Variants in MEGF9 observed in about 807,000 individuals in gnomAD.
The protein encoded by MEGF9 is multiple epidermal growth factor-like domains protein 9.
Under a neutral mutation model 46.8 loss-of-function variants are expected in MEGF9, and 6 were observed. The ratio of observed to expected loss-of-function variants is 0.13; its 90% confidence interval spans 0.07 to 0.25. MEGF9 has a LOEUF of 0.25. MEGF9 is among the 10% of genes least tolerant of loss of function. MEGF9 has a pLI of 1.00. For missense variants in MEGF9, 683 were observed against 792.4 expected, an observed-to-expected ratio of 0.86 and a Z score of 1.66; for synonymous variants, 302 against 330.7, an observed-to-expected ratio of 0.91 and a Z score of 0.94.
At chr9:120,672,909 G>A (rs865997338) in intron 1 of MEGF9, among the ~76,000 whole-genome samples, 8 of 152,128 alleles carry the variant, frequency 5.3e-5, no homozygotes, top group Non-Finnish European at 1.2e-4. Flanking sequence ...TGTAATCCCA[G>A]CTACTCGGGA....
chr9:120,669,289 C>T (rs1323379610), intron 1 of MEGF9, among the ~76,000 whole-genome samples: 1 of 152,130 alleles, frequency 6.6e-6, no homozygotes, highest in Non-Finnish European at 1.5e-5. Context: ...CTCATAGTGG[C>T]TTAGCACAGT....
intron 1 of MEGF9, 118 bp downstream of exon 1, chr9:120,713,640 G>A: frequency 8.2e-7 from 1 of 1,223,558 alleles, no homozygotes; most frequent in African/African-American, 1.6e-5. Flanking sequence ...CCCCTCGGGA[G>A]CCGGAACCTG....
At chr9:120,653,010 C>A (rs1050559291) in intron 2 of MEGF9, among the ~76,000 whole-genome samples, 9 of 152,210 alleles carry the variant, frequency 5.9e-5, no homozygotes, top group African/African-American at 1.9e-4. Context: ...GAATCCAAGT[C>A]TACCAATTTC....
At chr9:120,625,833 CA>C (rs763605820) in intron 2 of MEGF9, among the ~76,000 whole-genome samples, 9,501 of 112,968 alleles carry the variant, frequency 0.084, 204 homozygotes, top group African/African-American at 0.15. Context: ...CTCTGTCTCA[CA>C]AAAAAAAAAA....
intron 2 of MEGF9, among the ~76,000 whole-genome samples, chr9:120,652,045 A>C (rs2043652160): frequency 6.6e-6 from 1 of 151,352 alleles, no homozygotes; most frequent in African/African-American, 2.4e-5. Context: ...AACAAAAAAC[A>C]AATACCCCAA....
rs150616712 is a variant in MEGF9 at position 120,701,656 on chromosome 9, A to C, written c.601+12102T>G. On this transcript the variant is annotated intron_variant, in intron 1 of 5. Coordinates refer to ENST00000373930, the MANE Select transcript of MEGF9 (RefSeq NM_001080497.3). ...GAAATAATCAAATATATTGATAAAG[A>C]CTATGAACAATGCCATGAATTCAAA... Among the ~76,000 whole-genome samples, 62 of 152,380 alleles carry C rather than the reference A, an allele frequency of 4.1e-4. No homozygotes were observed. In the East Asian group the frequency reaches 7.3e-3, roughly 18 times the overall value.
chr9:120,629,806 A>C (rs2043542657), intron 2 of MEGF9, among the ~76,000 whole-genome samples: 1 of 151,070 alleles, frequency 6.6e-6, no homozygotes, highest in East Asian at 2.0e-4. Context: ...GGTGGCACGC[A>C]CCTGTAGTCC....
chr9:120,711,013 G>A (rs1039800316), intron 1 of MEGF9, among the ~76,000 whole-genome samples: 3 of 152,134 alleles, frequency 2.0e-5, no homozygotes, highest in Admixed American at 6.5e-5. Flanking sequence ...CATCACAGAC[G>A]TAAGTATAAT....
intron 1 of MEGF9, among the ~76,000 whole-genome samples, chr9:120,695,391 G>A (rs1159684558): frequency 3.3e-5 from 5 of 152,038 alleles, no homozygotes; most frequent in Admixed American, 1.3e-4. Flanking sequence ...AAATCACAAG[G>A]TCAGGAGTTC....
intron 3 of MEGF9, among the ~76,000 whole-genome samples, chr9:120,613,839 C>G (rs2043459599): frequency 6.6e-6 from 1 of 152,088 alleles, no homozygotes; most frequent in South Asian, 2.1e-4. Context: ...AGTAAGCTAA[C>G]TACAGTCCAA....
At chr9:120,622,301 TC>T (rs1318476535) in intron 3 of MEGF9, among the ~76,000 whole-genome samples, 1 of 152,052 alleles carries the variant, frequency 6.6e-6, no homozygotes, top group African/African-American at 2.4e-5. Context: ...ATGCTCAGAA[TC>T]AGCAAATGTC....
intron 2 of MEGF9, among the ~76,000 whole-genome samples, chr9:120,656,464 G>A (rs1025115693): frequency 1.0e-4 from 15 of 147,088 alleles, no homozygotes; most frequent in East Asian, 4.2e-4. Flanking sequence ...GGAGAATGGC[G>A]TGAACCCAGG....
At chr9:120,681,895 T>G (rs1368111291) in intron 1 of MEGF9, among the ~76,000 whole-genome samples, 3 of 152,222 alleles carry the variant, frequency 2.0e-5, no homozygotes, top group Non-Finnish European at 4.4e-5. Context: ...GTAAAGGGAC[T>G]TGGGTGCAAA....
intron 1 of MEGF9, among the ~76,000 whole-genome samples, chr9:120,661,359 A>AG: frequency 6.6e-6 from 1 of 152,276 alleles, no homozygotes; most frequent in East Asian, 1.9e-4. Flanking sequence ...ACCAAAAAAA[A>AG]TACAAAAATT....
At chr9:120,696,490 C>A (rs1281601511) in intron 1 of MEGF9, among the ~76,000 whole-genome samples, 5 of 152,094 alleles carry the variant, frequency 3.3e-5, no homozygotes, top group African/African-American at 1.2e-4. Flanking sequence ...TTATTAGGTT[C>A]TTTTGATAAT....
chr9:120,690,100 C>A, intron 1 of MEGF9: 3 of 432,036 alleles, frequency 6.9e-6, no homozygotes, highest in South Asian at 3.4e-5. Context: ...AGTTGGAAAG[C>A]CCAGGGGAAT....
At chr9:120,614,017 ATT>A (rs5900454) in intron 3 of MEGF9, among the ~76,000 whole-genome samples, 146 of 147,330 alleles carry the variant, frequency 9.9e-4, no homozygotes, top group Non-Finnish European at 1.5e-3. Context: ...AAAAAGCTCA[ATT>A]TTTTTTTTTT....
intron 1 of MEGF9, among the ~76,000 whole-genome samples, chr9:120,699,992 T>C (rs2043896247): frequency 6.6e-6 from 1 of 152,184 alleles, no homozygotes; most frequent in Admixed American, 6.5e-5. Flanking sequence ...AATGAATGTG[T>C]TTATTTCTTT....
chr9:120,639,494 T>G (rs2043592800), intron 2 of MEGF9, among the ~76,000 whole-genome samples: 1 of 123,838 alleles, frequency 8.1e-6, no homozygotes, highest in African/African-American at 3.2e-5. Flanking sequence ...GGTGACAGAG[T>G]GAGACTCCGT....
Sources: gnomAD v4.1 joint callset for allele counts (sites outside exome capture counted in the v4.1 genomes callset) on GRCh38, gnomAD v4.1.1 for gene constraint, MANE v1.5 for transcripts, NCBI Gene and HGNC (gene_info 2026-07-23, HGNC 2026-07-21) for gene names.